Variants in PCDHA2 observed in about 807,000 individuals in gnomAD.
PCDHA2 encodes the protein protocadherin alpha 2, also known as protocadherin alpha-2.
Under a neutral mutation model 66.0 loss-of-function variants are expected in PCDHA2, and 58 were observed. That is an observed-to-expected ratio of 0.88 (90% confidence interval 0.71 to 1.09). The LOEUF (loss-of-function observed/expected upper bound fraction) is 1.09, where lower values mean the gene tolerates loss of function less well. Ranked by LOEUF, PCDHA2 falls within the 50% of genes least tolerant of loss-of-function variation. PCDHA2 has a pLI of 0.00. For missense variants in PCDHA2, 1,267 were observed against 1,242.3 expected (o/e 1.02, Z -0.30); for synonymous variants, 634 against 554.0 (o/e 1.14, Z -2.03).
chr5:140,964,689 GAGAGATTA>G (rs781865484), intron 1 of PCDHA2, among the ~76,000 whole-genome samples: 4 of 152,008 alleles, frequency 2.6e-5, no homozygotes, highest in Non-Finnish European at 5.9e-5. Context: ...TTGTGCACTT[GAGAGATTA>G]AGGCCTCCGA....
At chr5:140,901,006 C>T (rs2068410974) in intron 1 of PCDHA2, among the ~76,000 whole-genome samples, 2 of 152,070 alleles carry the variant, frequency 1.3e-5, no homozygotes, top group African/African-American at 4.8e-5. Flanking sequence ...AGTATGTCTT[C>T]TTTTGAGAAA....
intron 2 of PCDHA2, among the ~76,000 whole-genome samples, chr5:140,979,495 G>A (rs1405180713): frequency 6.6e-6 from 1 of 151,840 alleles, no homozygotes; most frequent in Non-Finnish European, 1.5e-5. Context: ...ACCTATTAGA[G>A]CCTCCTCATC....
intron 3 of PCDHA2, among the ~76,000 whole-genome samples, chr5:140,985,740 T>C (rs992695405): frequency 1.9e-5 from 1 of 53,688 alleles, no homozygotes; most frequent in Admixed American, 1.9e-4. Context: ...GATGAATTCC[T>C]TTTTTTTTTT....
chr5:140,819,407 A>G lies in PCDHA2; in HGVS notation c.2388+22055A>G, dbSNP rs143738403. 1.3e-3 allele frequency among the ~76,000 whole-genome samples: 191 copies of G among 152,278 alleles called. 1 individual carries two copies. The highest frequency in any genetic ancestry group is 4.1e-3 in the African/African-American group (169 of 41,568). ...AAGGCTTTTAGTGAATTAAATGGAGACACTTTAATATACTACACAGTTTTA... is the reference window on the plus strand; with the variant it reads ...AAGGCTTTTAGTGAATTAAATGGAGGCACTTTAATATACTACACAGTTTTA... On this transcript the variant is annotated intron_variant, in intron 1 of 3. Coordinates refer to ENST00000526136, the MANE Select transcript of PCDHA2 (RefSeq NM_018905.3).
chr5:140,975,126 A>G (rs1334807357), intron 1 of PCDHA2, among the ~76,000 whole-genome samples: 6 of 152,074 alleles, frequency 3.9e-5, no homozygotes, highest in Admixed American at 2.6e-4. Flanking sequence ...CCTACTTACT[A>G]TTGGCCTGGG....
intron 1 of PCDHA2, among the ~76,000 whole-genome samples, chr5:140,855,276 C>T (rs991955993): frequency 1.3e-5 from 2 of 149,614 alleles, no homozygotes; most frequent in Non-Finnish European, 3.0e-5. Flanking sequence ...CACTCAACCA[C>T]CGTATTACTA....
intron 1 of PCDHA2, among the ~76,000 whole-genome samples, chr5:140,911,436 C>T (rs369054235): frequency 6.1e-4 from 93 of 152,242 alleles, no homozygotes; most frequent in South Asian, 2.9e-3. Context: ...TCCAATTTCC[C>T]GCAATTTCAG....
At chr5:140,871,432 C>T (rs782382962) in intron 1 of PCDHA2, 1 of 1,612,926 alleles carries the variant, frequency 6.2e-7, no homozygotes, top group Non-Finnish European at 8.5e-7. Flanking sequence ...CAGTCTTCCT[C>T]TAGGTCTGAA....
rs782451974 is a variant in PCDHA2, at chr5:141,009,822, T to A, written c.2732T>A (p.Phe911Tyr). 6.2e-7 allele frequency: 1 copy of A among 1,613,720 alleles called. No individual in the cohort carries two copies. The highest frequency in any genetic ancestry group is 2.2e-5 in the East Asian group (1 of 44,866). Residue 911 changes from phenylalanine (F) to tyrosine (Y), a missense_variant, in exon 4 of 4, where the codon TTC (phenylalanine) becomes TAC (tyrosine). Physicochemically the swap from Phe to Tyr is conservative, Grantham distance 22. Transcript: ENST00000526136. ...AACAGCCAAATTGACAAAAGTGACTTCATAACCTTCGGCAAAAAGGAGGAG... is the reference window on the plus strand; with the variant it reads ...AACAGCCAAATTGACAAAAGTGACTACATAACCTTCGGCAAAAAGGAGGAG... ...PTNSQIDKSDFITFGKKEETK... is the reference protein window; with the variant it reads ...PTNSQIDKSDYITFGKKEETK...
intron 1 of PCDHA2, among the ~76,000 whole-genome samples, chr5:140,910,210 G>A (rs987095100): frequency 6.6e-6 from 1 of 152,120 alleles, no homozygotes; most frequent in Non-Finnish European, 1.5e-5. Context: ...ACTTGACCTG[G>A]AAGTTTTCTG....
At chr5:140,913,166 GTTC>G (rs1273182839) in intron 1 of PCDHA2, among the ~76,000 whole-genome samples, 1 of 152,160 alleles carries the variant, frequency 6.6e-6, no homozygotes, top group Non-Finnish European at 1.5e-5. Flanking sequence ...ATTGGTATTA[GTTC>G]TTCTTTAAAT....
chr5:140,809,043 G>T (rs1311161177), intron 1 of PCDHA2: 3 of 1,613,738 alleles, frequency 1.9e-6, no homozygotes, highest in East Asian at 2.2e-5. Context: ...GGTGGCGCGC[G>T]CATCCCGTTC....
chr5:140,820,961 T>A (rs1033413867), intron 1 of PCDHA2, among the ~76,000 whole-genome samples: 6 of 152,032 alleles, frequency 3.9e-5, no homozygotes, highest in Non-Finnish European at 7.4e-5. Context: ...AGTTTTTGAG[T>A]CAATACAAAA....
chr5:140,869,602 C>T (rs2051279273), intron 1 of PCDHA2: 2 of 1,613,922 alleles, frequency 1.2e-6, no homozygotes, highest in Non-Finnish European at 8.5e-7. Flanking sequence ...AGAGAATGCT[C>T]TATTGACCTA....
intron 1 of PCDHA2, chr5:140,927,810 G>A: frequency 2.5e-6 from 4 of 1,614,200 alleles, no homozygotes; most frequent in Non-Finnish European, 3.4e-6. Flanking sequence ...AAACGCTCTT[G>A]GAGGCATACA....
At position 140,875,707 on chromosome 5, in the gene PCDHA2, C is replaced by G. The variant is rs782640816; in HGVS notation, c.2388+78355C>G. ...ACACGGGGACCTTCTGGAGGTAAAT[C>G]TGCAGAATGGCATTTTGTTTGTGAA... On this transcript the variant is annotated intron_variant, in intron 1 of 3. Transcript: ENST00000526136. The G allele has an allele frequency of 6.2e-6, 10 of 1,614,048 alleles. No homozygotes were observed. In the South Asian group the frequency reaches 6.6e-5, roughly 11 times the overall value.
intron 1 of PCDHA2, among the ~76,000 whole-genome samples, chr5:140,894,198 T>A (rs1431922646): frequency 3.9e-5 from 6 of 152,168 alleles, no homozygotes; most frequent in African/African-American, 1.4e-4. Flanking sequence ...ATTTTTTCTA[T>A]GCTATTATAT....
intron 1 of PCDHA2, among the ~76,000 whole-genome samples, chr5:140,906,204 C>A (rs2072457750): frequency 6.6e-6 from 1 of 152,192 alleles, no homozygotes. Context: ...AGTTGACACT[C>A]AGTATTAACC....
At chr5:140,839,657 C>T (rs1377824888) in intron 1 of PCDHA2, among the ~76,000 whole-genome samples, 2 of 152,010 alleles carry the variant, frequency 1.3e-5, no homozygotes, top group East Asian at 1.9e-4. Context: ...AAATTGTTTG[C>T]TACTATTTAG....
Sources: gnomAD v4.1 joint callset for allele counts (sites outside exome capture counted in the v4.1 genomes callset) on GRCh38, gnomAD v4.1.1 for gene constraint, MANE v1.5 for transcripts, NCBI Gene and HGNC (gene_info 2026-07-23, HGNC 2026-07-21) for gene names.